The following CECR2 variants were observed in gnomAD, a reference collection of about 807,000 sequenced individuals.
The protein encoded by CECR2 is CECR2 histone acetyl-lysine reader, also known as chromatin remodeling regulator CECR2.
CECR2 carries 30 observed loss-of-function variants against 154.5 expected under a neutral mutation model. That is an observed-to-expected ratio of 0.19 (90% CI 0.15 to 0.26). The LOEUF (loss-of-function observed/expected upper bound fraction) is 0.26, where lower values mean the gene tolerates loss of function less well. Ranked by LOEUF, CECR2 falls within the 10% of genes least tolerant of loss-of-function variation. CECR2 has a pLI of 1.00. For synonymous variants in CECR2, 725 were observed against 683.7 expected, an observed-to-expected ratio of 1.06 and a Z score of -0.94; for missense variants, 1,743 against 1,829.3, an observed-to-expected ratio of 0.95 and a Z score of 0.86.
chr22:17,391,532 C>G (rs2063325673), intron 1 of CECR2, among the ~76,000 whole-genome samples: 2 of 152,188 alleles, frequency 1.3e-5, no homozygotes, highest in Non-Finnish European at 2.9e-5. Context: ...GTCTCGTGTT[C>G]CATAGGGCTG....
At chr22:17,379,392 G>C (rs2063158370) in intron 1 of CECR2, among the ~76,000 whole-genome samples, 3 of 152,224 alleles carry the variant, frequency 2.0e-5, no homozygotes, top group Admixed American at 2.0e-4. Context: ...CCCTGAAGCA[G>C]GGCCTGGCTG....
chr22:17,548,783 AACC>A lies in CECR2; in HGVS notation c.3500_3502del (p.His1167del). 1 of 1,613,724 alleles carries A rather than the reference AACC, an allele frequency of 6.2e-7. No individual in the cohort carries two copies. The highest frequency in any genetic ancestry group is 8.5e-7 in the Non-Finnish European group (1 of 1,179,844). On this transcript the variant is annotated inframe_deletion, in exon 17 of 19. Coordinates refer to ENST00000262608, the MANE Select transcript of CECR2 (RefSeq NM_001290047.2). ...TTTTCCCCCAAGGGGCTTTCAGTCTAACCACCCACATTCTGGAGGCTTTCCCCG... is the reference window on the plus strand; with the variant it reads ...TTTTCCCCCAAGGGGCTTTCAGTCTAACCCACATTCTGGAGGCTTTCCCCG...
intron 1 of CECR2, among the ~76,000 whole-genome samples, chr22:17,450,273 A>T (rs995389040): frequency 5.3e-5 from 8 of 152,024 alleles, no homozygotes; most frequent in African/African-American, 1.7e-4. Context: ...TAATATATTA[A>T]CTTTTTGTTG....
At chr22:17,384,087 C>G (rs2063232452) in intron 1 of CECR2, among the ~76,000 whole-genome samples, 1 of 152,156 alleles carries the variant, frequency 6.6e-6, no homozygotes, top group Non-Finnish European at 1.5e-5. Flanking sequence ...TCAGCTTCTT[C>G]CAAACTCCTG....
intron 1 of CECR2, among the ~76,000 whole-genome samples, chr22:17,411,845 T>A (rs764806704): frequency 1.6e-4 from 25 of 152,222 alleles, no homozygotes; most frequent in Non-Finnish European, 3.1e-4. Context: ...TCATATGATA[T>A]ATATTTTTAT....
Position 17,542,139 on chromosome 22 carries a change from G to T in CECR2, c.2014-18G>T, listed in dbSNP as rs746061481. The stretch of plus-strand genomic sequence containing the variant: ...TATTCTGTGAGTCTGTAACTGTGCT[G>T]CCTTTTCTCGTTGCCAGCCTCCAGT... On this transcript the variant is annotated intron_variant, in intron 15 of 18. Coordinates refer to ENST00000262608, the MANE Select transcript of CECR2 (RefSeq NM_001290047.2). 1.3e-5 allele frequency: 21 copies of T among 1,604,754 alleles called. No individual in the cohort carries two copies. Among genetic ancestry groups the T allele is most frequent in the Non-Finnish European group, 1.8e-5 (21 of 1,173,778 alleles).
At chr22:17,520,805 T>C (rs1242141755) in intron 8 of CECR2, among the ~76,000 whole-genome samples, 3 of 152,172 alleles carry the variant, frequency 2.0e-5, no homozygotes, top group African/African-American at 7.2e-5. Context: ...TATATGTGCC[T>C]CATTTTCTTA....
chr22:17,546,871 T>C (rs976778848), intron 16 of CECR2, among the ~76,000 whole-genome samples: 2 of 151,780 alleles, frequency 1.3e-5, no homozygotes, highest in Non-Finnish European at 2.9e-5. Context: ...AAATCTTGTC[T>C]CTACTAAAAA....
chr22:17,414,122 G>GCCA (rs2054113351), intron 1 of CECR2, among the ~76,000 whole-genome samples: 1 of 151,806 alleles, frequency 6.6e-6, no homozygotes, highest in Admixed American at 6.6e-5. Context: ...ACAGGTGCCT[G>GCCA]CCACCACGCC....
At chr22:17,371,841 A>G (rs2063064928) in intron 1 of CECR2, among the ~76,000 whole-genome samples, 1 of 152,366 alleles carries the variant, frequency 6.6e-6, no homozygotes, top group African/African-American at 2.4e-5. Context: ...AGCTAGAGGT[A>G]ACTCATTTTG....
At chr22:17,485,654 G>C (rs2055408156) in intron 2 of CECR2, among the ~76,000 whole-genome samples, 1 of 152,090 alleles carries the variant, frequency 6.6e-6, no homozygotes, top group African/African-American at 2.4e-5. Context: ...CACACCTGTA[G>C]TCCCAGGTAC....
rs148300960 is a variant in CECR2 at position 17,537,407 on chromosome 22, A to G, written c.1238+175A>G. ...ACACGCCTAGCTACCCTGGCCTCTG[A>G]CACTCTTGCTGCCACACTCTGTGAT... On this transcript the variant is annotated intron_variant, in intron 10 of 18. Transcript: ENST00000262608. Among the ~76,000 whole-genome samples, 303 of 152,276 alleles carry G rather than the reference A, an allele frequency of 2.0e-3. 3 individuals are homozygous for G. Among genetic ancestry groups the G allele is most frequent in the African/African-American group, 6.9e-3 (285 of 41,544 alleles).
chr22:17,407,962 T>G (rs1035048648), intron 1 of CECR2, among the ~76,000 whole-genome samples: 62 of 152,216 alleles, frequency 4.1e-4, no homozygotes, highest in Non-Finnish European at 5.1e-4. Flanking sequence ...AAACTGTACC[T>G]TTGGTGACTA....
Position 17,540,728 on chromosome 22 carries a change from C to A in CECR2, c.1812C>A (p.Ser604=), listed in dbSNP as rs750965691. ...AGCCCCCGCGGGAGGTGGGCACTTCCAATGGCCGAGGTTTTTCTCATCCCC... is the reference window on the plus strand; with the variant it reads ...AGCCCCCGCGGGAGGTGGGCACTTCAAATGGCCGAGGTTTTTCTCATCCCC... ...STQPPREVGT[S]NGRGFSHPLH... is the part of the protein sequence containing the mutation. The change falls in exon 14 of 19, where the codon TCC becomes TCA. Residue 604 remains serine (S), a synonymous_variant. Coordinates refer to ENST00000262608, the MANE Select transcript of CECR2 (RefSeq NM_001290047.2). 4.3e-6 allele frequency: 7 copies of A among 1,612,258 alleles called. No individual in the cohort carries two copies. The South Asian group carries it at 7.7e-5, about 18-fold the overall frequency.
chr22:17,411,650 C>T (rs1226280122), intron 1 of CECR2, among the ~76,000 whole-genome samples: 2 of 152,084 alleles, frequency 1.3e-5, no homozygotes. Context: ...GCACCTTGGT[C>T]CTTGTTTTTG....
Position 17,549,416 on chromosome 22 carries a change from G to A in CECR2, c.4129G>A (p.Ala1377Thr), listed in dbSNP as rs760099100. Residue 1377 changes from alanine to threonine, a missense_variant, in exon 17 of 19, where the codon GCC becomes ACC. This residue lies in a region of CECR2 where 1,250 missense variants were observed against 1,192.1 expected (regional missense o/e 1.05). Coordinates refer to ENST00000262608, the MANE Select transcript of CECR2 (RefSeq NM_001290047.2). ...VAALPPHHPG[A>T]TQPNGLSQEG... is the part of the protein sequence containing the mutation. The stretch of plus-strand genomic sequence containing the variant: ...TGCCCTCCCACCTCACCACCCAGGG[G>A]CCACCCAGCCCAACGGCCTCTCTCA... 6 of 1,613,566 alleles carry A rather than the reference G, an allele frequency of 3.7e-6. No homozygotes were observed. Among genetic ancestry groups the A allele is most frequent in the Non-Finnish European group, 5.1e-6 (6 of 1,179,734 alleles).
chr22:17,395,246 T>G (rs1436891020), intron 1 of CECR2, among the ~76,000 whole-genome samples: 1 of 152,182 alleles, frequency 6.6e-6, no homozygotes, highest in African/African-American at 2.4e-5. Flanking sequence ...CAGGCTGGTT[T>G]CAAACTCCTG....
chr22:17,466,229 G>A (rs1418945774), intron 1 of CECR2, among the ~76,000 whole-genome samples: 3 of 152,048 alleles, frequency 2.0e-5, no homozygotes, highest in East Asian at 1.9e-4. Context: ...CTGGCCTTCC[G>A]CTCCTTTTAA....
intron 1 of CECR2, among the ~76,000 whole-genome samples, chr22:17,378,315 G>T (rs1429937269): frequency 6.8e-6 from 1 of 147,060 alleles, no homozygotes; most frequent in African/African-American, 2.5e-5. Context: ...TTGTTTTTGG[G>T]AGACGGAGTT....
Sources: gnomAD v4.1 joint callset for allele counts (sites outside exome capture counted in the v4.1 genomes callset) on GRCh38, gnomAD v4.1.1 for gene constraint, gnomAD v4.1.1 regional missense constraint, MANE v1.5 for transcripts, NCBI Gene and HGNC (gene_info 2026-07-23, HGNC 2026-07-21) for gene names.